The following LRP1B variants were observed in gnomAD, a reference collection of about 807,000 sequenced individuals.
LRP1B encodes LDL receptor related protein 1B.
In LRP1B, 217 loss-of-function variants were observed where a neutral mutation model predicts 556.6. The observed-to-expected ratio is 0.39, with a 90% CI of 0.35 to 0.44. The LOEUF (loss-of-function observed/expected upper bound fraction) is 0.44. LRP1B is among the 20% of genes least tolerant of loss of function. The probability of loss-of-function intolerance (pLI) is 1.00; values close to 1 mark genes in which losing one functional copy is unlikely to be tolerated. For synonymous variants in LRP1B, 2,047 were observed against 1,865.8 expected (o/e 1.10, Z -2.50); for missense variants, 5,053 against 5,620.8 (o/e 0.90, Z 3.23).
In LRP1B at chr2:141,182,564, C is replaced by A. The variant is rs140743684; in HGVS notation, c.1013+5857G>T. On this transcript the variant is annotated intron_variant, in intron 7 of 90. Coordinates refer to ENST00000389484, the MANE Select transcript of LRP1B (RefSeq NM_018557.3). ...TTTTTTTTCCAAAGAAACTTTAAGT[C>A]CCAGATACCTGGGAGAGAAGCTGCA... 4.9e-3 allele frequency among the ~76,000 whole-genome samples: 744 copies of A among 151,772 alleles called. 4 individuals carry two copies. The highest frequency in any genetic ancestry group is 8.6e-3 in the Non-Finnish European group (583 of 67,886).
intron 18 of LRP1B, among the ~76,000 whole-genome samples, chr2:140,972,203 TAGC>T (rs1696446219): frequency 6.6e-6 from 1 of 152,142 alleles, no homozygotes; most frequent in African/African-American, 2.4e-5. Flanking sequence ...GAAGACAACT[TAGC>T]AGAAGCTTGC....
chr2:141,749,085 T>C (rs1265966120), intron 2 of LRP1B, among the ~76,000 whole-genome samples: 1 of 152,166 alleles, frequency 6.6e-6, no homozygotes, highest in Non-Finnish European at 1.5e-5. Flanking sequence ...ATAACTAATT[T>C]TATTTTACAT....
intron 60 of LRP1B, among the ~76,000 whole-genome samples, chr2:140,462,565 A>G (rs1468966635): frequency 6.6e-6 from 1 of 152,188 alleles, no homozygotes; most frequent in Non-Finnish European, 1.5e-5. Context: ...ATGAATAAAT[A>G]TTCTGACTTC....
intron 41 of LRP1B, among the ~76,000 whole-genome samples, chr2:140,634,625 A>G (rs1396319378): frequency 6.6e-6 from 1 of 152,080 alleles, no homozygotes; most frequent in Non-Finnish European, 1.5e-5. Context: ...AATACTTATA[A>G]ATTATGTTGG....
At chr2:141,330,549 T>A (rs72981251) in intron 3 of LRP1B, among the ~76,000 whole-genome samples, 2,772 of 152,278 alleles carry the variant, frequency 0.018, 85 homozygotes, top group African/African-American at 0.062. Context: ...AACAATATCT[T>A]GTTCTTTTCC....
chr2:141,087,722 C>T (rs953646084), intron 7 of LRP1B, among the ~76,000 whole-genome samples: 6 of 152,096 alleles, frequency 3.9e-5, no homozygotes, highest in African/African-American at 9.7e-5. Context: ...GCATGATGCT[C>T]GAGTGGAAAC....
At chr2:141,024,236 C>T (rs1441312655) in intron 11 of LRP1B, among the ~76,000 whole-genome samples, 1 of 151,986 alleles carries the variant, frequency 6.6e-6, no homozygotes, top group Non-Finnish European at 1.5e-5. Context: ...AAAGATACCA[C>T]CTGTCCCTAA....
chr2:141,342,009 C>T (rs1164953335), intron 3 of LRP1B, among the ~76,000 whole-genome samples: 1 of 151,900 alleles, frequency 6.6e-6, no homozygotes, highest in Non-Finnish European at 1.5e-5. Context: ...CTTTGGGAGG[C>T]CGAGGCGGGC....
At chr2:140,436,578 C>T (rs1358839097) in intron 66 of LRP1B, among the ~76,000 whole-genome samples, 1 of 149,948 alleles carries the variant, frequency 6.7e-6, no homozygotes, top group Non-Finnish European at 1.5e-5. Context: ...GTTTTCATTT[C>T]TCTCTCTCCT....
chr2:140,290,974 A>T (rs1300009427), intron 84 of LRP1B, among the ~76,000 whole-genome samples: 1 of 152,030 alleles, frequency 6.6e-6, no homozygotes, highest in African/African-American at 2.4e-5. Context: ...TGTTGTTGGC[A>T]CTTGCAAATT....
intron 18 of LRP1B, among the ~76,000 whole-genome samples, chr2:140,954,722 C>T (rs181685978): frequency 4.6e-5 from 7 of 152,054 alleles, no homozygotes; most frequent in South Asian, 2.1e-4. Flanking sequence ...AGACATTAAC[C>T]TTCTGCCCAC....
chr2:141,077,568 G>A (rs4954691), intron 7 of LRP1B, among the ~76,000 whole-genome samples: 122,582 of 152,098 alleles, frequency 0.81, 49,765 homozygotes, highest in Non-Finnish European at 0.85. Flanking sequence ...GTCTATAGTC[G>A]GCTGCCTTTA....
At chr2:140,775,936 A>G (rs1170064881) in intron 33 of LRP1B, among the ~76,000 whole-genome samples, 162 bp downstream of exon 33, 1 of 152,168 alleles carries the variant, frequency 6.6e-6, no homozygotes, top group African/African-American at 2.4e-5. Flanking sequence ...ATGCATCTAT[A>G]TTAAAGACAT....
At position 141,989,381 on chromosome 2, in the gene LRP1B, A is replaced by G. The variant is rs1356633649; in HGVS notation, c.82+141267T>C. Reference sequence around the variant, plus strand: ...AGAGAAAAAAAGAAAGTCAAGGGTCATCATTCACAAGAAAACAAAGAAAAA... The same window carrying G: ...AGAGAAAAAAAGAAAGTCAAGGGTCGTCATTCACAAGAAAACAAAGAAAAA... On this transcript the variant is annotated intron_variant, in intron 1 of 90. Coordinates refer to ENST00000389484, the MANE Select transcript of LRP1B (RefSeq NM_018557.3). Among the ~76,000 whole-genome samples the G allele has an allele frequency of 2.0e-5, 3 of 152,114 alleles. No homozygotes were observed. In the East Asian group the frequency reaches 5.8e-4, roughly 29 times the overall value.
At chr2:141,167,117 T>C (rs1050066072) in intron 7 of LRP1B, 2 of 151,924 alleles carry the variant, frequency 1.3e-5, no homozygotes, top group Non-Finnish European at 2.9e-5. Flanking sequence ...CAGTCTTAAA[T>C]ATAAGTTATA....
chr2:141,324,679 C>T (rs948320064), intron 3 of LRP1B, among the ~76,000 whole-genome samples: 1 of 152,032 alleles, frequency 6.6e-6, no homozygotes, highest in South Asian at 2.1e-4. Flanking sequence ...TGATTCGAGG[C>T]AAGGACATGA....
In LRP1B at chr2:140,541,878, G is replaced by A. The variant is rs368936963; in HGVS notation, c.7288C>T (p.Arg2430Trp). Residue 2430 changes from arginine (R) to tryptophan (W), a missense_variant, in exon 44 of 91, where the codon CGG (arginine) becomes TGG (tryptophan). Physicochemically the swap from Arg to Trp is moderately radical, Grantham distance 101. Around this residue, in one of 5 missense-constraint regions of LRP1B, gnomAD observed 3,619 missense variants for 3,931.9 expected, o/e 0.92. Coordinates refer to ENST00000389484, the MANE Select transcript of LRP1B (RefSeq NM_018557.3). Reference sequence around the variant, plus strand: ...TCTCCTCCTGTGTACTTGTTGGACCGCAGTATAGCTCTTCTTCCCCAGTCC... The same window carrying A: ...TCTCCTCCTGTGTACTTGTTGGACCACAGTATAGCTCTTCTTCCCCAGTCC... ...WSDWGRRAILRSNKYTGGDTK... is the reference protein window; with the variant it reads ...WSDWGRRAILWSNKYTGGDTK... 6.2e-6 allele frequency: 10 copies of A among 1,612,316 alleles called. No homozygotes were observed. The highest frequency in any genetic ancestry group is 1.6e-4 in the Middle Eastern group (1 of 6,070).
At chr2:142,106,873 T>G (rs1036684500) in intron 1 of LRP1B, among the ~76,000 whole-genome samples, 1 of 152,180 alleles carries the variant, frequency 6.6e-6, no homozygotes, top group African/African-American at 2.4e-5. Context: ...CATTTTTATG[T>G]GATCACATGT....
intron 32 of LRP1B, among the ~76,000 whole-genome samples, chr2:140,783,037 A>G (rs1689755860): frequency 6.6e-6 from 1 of 152,200 alleles, no homozygotes; most frequent in Non-Finnish European, 1.5e-5. Flanking sequence ...TAATAACACT[A>G]TACTACTCAG....
Sources: allele counts gnomAD v4.1 joint callset (sites outside exome capture counted in the v4.1 genomes callset), GRCh38; gene constraint gnomAD v4.1.1; regional missense constraint gnomAD v4.1.1; transcripts MANE v1.5; gene names NCBI Gene and HGNC (gene_info 2026-07-23, HGNC 2026-07-21).